Variants in GRIA1 observed in about 807,000 individuals in gnomAD.
GRIA1 encodes glutamate receptor 1.
Under a neutral mutation model 99.2 loss-of-function variants are expected in GRIA1, and 31 were observed. The observed-to-expected ratio is 0.31, with a 90% CI of 0.23 to 0.42. The LOEUF (loss-of-function observed/expected upper bound fraction) is 0.42, where lower values mean the gene tolerates loss of function less well. Among genes scored for constraint, GRIA1 ranks in the 10% least tolerant of loss-of-function variants. The probability of loss-of-function intolerance (pLI) is 1.00; values close to 1 mark genes in which losing one functional copy is unlikely to be tolerated. For synonymous variants in GRIA1, 438 were observed against 432.4 expected (o/e 1.01, Z -0.16); for missense variants, 782 against 1,157.5 (o/e 0.68, Z 4.71).
At chr5:153,506,118 C>T (rs1755463160) in intron 2 of GRIA1, among the ~76,000 whole-genome samples, 3 of 152,168 alleles carry the variant, frequency 2.0e-5, no homozygotes, top group Admixed American at 6.5e-5. Flanking sequence ...TACCACATCA[C>T]ATGTGCAAGT....
At chr5:153,753,175 A>C (rs138582876) in intron 11 of GRIA1, among the ~76,000 whole-genome samples, 1 of 152,352 alleles carries the variant, frequency 6.6e-6, no homozygotes, top group East Asian at 1.9e-4. Flanking sequence ...ACCCTAAGAC[A>C]GACCTCTAAT....
At chr5:153,561,482 GA>G (rs1761118519) in intron 2 of GRIA1, among the ~76,000 whole-genome samples, 1 of 152,136 alleles carries the variant, frequency 6.6e-6, no homozygotes, top group Admixed American at 6.5e-5. Context: ...CAAGGGTCAG[GA>G]AGCTGTAACT....
At chr5:153,717,502 C>T (rs1415833337) in intron 11 of GRIA1, among the ~76,000 whole-genome samples, 1 of 142,588 alleles carries the variant, frequency 7.0e-6, no homozygotes, top group Non-Finnish European at 1.5e-5. Context: ...GCCATGCTAC[C>T]TGTCAATCAA....
In GRIA1 at chr5:153,491,037, G is replaced by T. The variant is rs557843190; in HGVS notation, c.82+67G>T. On this transcript the variant is annotated intron_variant, in intron 1 of 15. Transcript: ENST00000285900. ...GCCAGGGATTTTTTTGGGGATAGGG[G>T]TTGTGTACCCCCTCCCCGGTACTGA... 26 of 1,400,136 alleles carry T rather than the reference G, an allele frequency of 1.9e-5. No individual in the cohort carries two copies. In the Admixed American group the frequency reaches 2.0e-4, roughly 11 times the overall value. 86.7% of individuals were successfully genotyped at this position (1,400,136 alleles called of 1,614,324 possible). A position where few individuals can be genotyped will look rare whatever the true frequency, so the allele number is the denominator to read the frequency against.
At chr5:153,743,637 T>G (rs569632304) in intron 11 of GRIA1, among the ~76,000 whole-genome samples, 30 of 152,264 alleles carry the variant, frequency 2.0e-4, no homozygotes, top group African/African-American at 7.2e-4. Flanking sequence ...AATCTCTCTG[T>G]CTTCCTCTTC....
intron 11 of GRIA1, among the ~76,000 whole-genome samples, chr5:153,748,531 C>G (rs749245396): frequency 2.4e-4 from 37 of 152,102 alleles, no homozygotes; most frequent in Non-Finnish European, 4.7e-4. Flanking sequence ...GGGGTGGGAA[C>G]AACATGGTCC....
chr5:153,681,938 A>G (rs982951570), intron 7 of GRIA1, among the ~76,000 whole-genome samples: 1 of 151,990 alleles, frequency 6.6e-6, no homozygotes, highest in Non-Finnish European at 1.5e-5. Flanking sequence ...GGAGGCTGAG[A>G]CAGGAGAATC....
chr5:153,753,853 C>T (rs1043830193), intron 11 of GRIA1, among the ~76,000 whole-genome samples: 1 of 152,164 alleles, frequency 6.6e-6, no homozygotes, highest in Non-Finnish European at 1.5e-5. Context: ...CTGCTTTGCC[C>T]TGTGGCTCCC....
chr5:153,504,146 G>A (rs1028037159), intron 2 of GRIA1, among the ~76,000 whole-genome samples: 1 of 151,870 alleles, frequency 6.6e-6, no homozygotes, highest in East Asian at 1.9e-4. Flanking sequence ...CTTGACATGG[G>A]CCTAGTGAAA....
intron 2 of GRIA1, among the ~76,000 whole-genome samples, chr5:153,645,602 T>C (rs1373255333): frequency 6.6e-6 from 1 of 152,200 alleles, no homozygotes; most frequent in Non-Finnish European, 1.5e-5. Flanking sequence ...GGACAAAGTA[T>C]GCACCATTTC....
intron 2 of GRIA1, among the ~76,000 whole-genome samples, chr5:153,580,760 G>A (rs1002295196): frequency 3.3e-5 from 5 of 152,198 alleles, no homozygotes; most frequent in Non-Finnish European, 5.9e-5. Context: ...ATTAGAAGCT[G>A]AAATTTGGAT....
intron 2 of GRIA1, among the ~76,000 whole-genome samples, chr5:153,578,830 C>A (rs1023721324): frequency 2.6e-5 from 4 of 152,170 alleles, no homozygotes; most frequent in Non-Finnish European, 5.9e-5. Flanking sequence ...ATTGCTTGAA[C>A]CCGCCAGGTG....
chr5:153,662,926 C>T (rs1755475522), intron 5 of GRIA1, among the ~76,000 whole-genome samples: 1 of 152,162 alleles, frequency 6.6e-6, no homozygotes, highest in South Asian at 2.1e-4. Context: ...TTCCAGTTTC[C>T]TCTTCTTCCT....
At position 153,533,851 on chromosome 5, in the gene GRIA1, G is replaced by A. The variant is rs1042045405; in HGVS notation, c.220+39786G>A. ...ATAATCTCATTTAATGCTCACAATA[G>A]TCCTCTGAAGTCTAATGTCTATTTA... On this transcript the variant is annotated intron_variant, in intron 2 of 15. Coordinates refer to ENST00000285900, the MANE Select transcript of GRIA1 (RefSeq NM_000827.4). 3.3e-5 allele frequency among the ~76,000 whole-genome samples: 5 copies of A among 152,310 alleles called. No homozygotes were observed. The South Asian group carries it at 8.3e-4, about 25-fold the overall frequency.
chr5:153,714,660 C>T (rs544927251), intron 11 of GRIA1, among the ~76,000 whole-genome samples: 4 of 152,224 alleles, frequency 2.6e-5, no homozygotes, highest in African/African-American at 9.6e-5. Flanking sequence ...GAGCTCTAGA[C>T]AGAAAAAAAT....
Position 153,799,804 on chromosome 5 carries a change from G to A in GRIA1, c.2386-2552G>A, listed in dbSNP as rs78520371. Among the ~76,000 whole-genome samples, 19 of 152,240 alleles carry A rather than the reference G, an allele frequency of 1.2e-4. No individual in the cohort carries two copies. The East Asian group carries it at 3.5e-3, about 28-fold the overall frequency. On this transcript the variant is annotated intron_variant, in intron 14 of 15. Coordinates refer to ENST00000285900, the MANE Select transcript of GRIA1 (RefSeq NM_000827.4). Reference sequence around the variant, plus strand: ...CCTGGGCCGGAGACCTTCTTCTAAAGTGAAGGATGCTCTTCACCTCCAGAC... The same window carrying A: ...CCTGGGCCGGAGACCTTCTTCTAAAATGAAGGATGCTCTTCACCTCCAGAC...
At chr5:153,677,253 G>A in intron 7 of GRIA1, 92 bp downstream of exon 7, 1 of 1,093,356 alleles carries the variant, frequency 9.1e-7, no homozygotes, top group Middle Eastern at 2.2e-4. Context: ...CTAAAGAAAA[G>A]GAAGAAAATG....
intron 2 of GRIA1, among the ~76,000 whole-genome samples, chr5:153,608,804 T>TA (rs1246156405): frequency 2.0e-5 from 3 of 152,236 alleles, no homozygotes; most frequent in African/African-American, 7.2e-5. Context: ...AGTTTTTTTT[T>TA]ACTGCGTTCT....
intron 11 of GRIA1, among the ~76,000 whole-genome samples, chr5:153,709,347 T>C (rs1759145261): frequency 6.6e-6 from 1 of 152,224 alleles, no homozygotes; most frequent in South Asian, 2.1e-4. Context: ...CTTCCTAATT[T>C]AGTATTTGGG....
Sources: allele counts gnomAD v4.1 joint callset (sites outside exome capture counted in the v4.1 genomes callset), GRCh38; gene constraint gnomAD v4.1.1; transcripts MANE v1.5; gene names NCBI Gene and HGNC (gene_info 2026-07-23, HGNC 2026-07-21).